PSD3: variants seen among roughly 807,000 people sequenced by gnomAD.
PSD3 encodes the protein PH and SEC7 domain-containing protein 3.
A neutral mutation model predicts 105.5 loss-of-function variants in PSD3; 49 were observed. The ratio of observed to expected loss-of-function variants is 0.46; its 90% CI spans 0.37 to 0.59. The LOEUF is 0.59. PSD3 is among the 20% of genes least tolerant of loss of function. The probability of loss-of-function intolerance (pLI) is 0.00; values close to 1 mark genes in which losing one functional copy is unlikely to be tolerated. For synonymous variants in PSD3, 557 were observed against 457.8 expected (o/e 1.22, Z -2.77); for missense variants, 1,561 against 1,263.8 (o/e 1.24, Z -3.57).
intron 12 of PSD3, among the ~76,000 whole-genome samples, chr8:18,592,685 C>A (rs899576055): frequency 4.6e-5 from 7 of 151,804 alleles, no homozygotes; most frequent in African/African-American, 1.7e-4. Context: ...TCAAGGTGCT[C>A]AAAAAAACAA....
chr8:18,701,038 C>T (rs1801546177), intron 9 of PSD3, among the ~76,000 whole-genome samples: 1 of 152,082 alleles, frequency 6.6e-6, no homozygotes, highest in Non-Finnish European at 1.5e-5. Flanking sequence ...GTGATCATGG[C>T]TCACTGTAGC....
intron 15 of PSD3, among the ~76,000 whole-genome samples, chr8:18,555,472 A>G (rs1801014597): frequency 6.6e-6 from 1 of 152,240 alleles, no homozygotes; most frequent in Admixed American, 6.5e-5. Flanking sequence ...TCGATAATTA[A>G]TTCTTTTTAT....
At chr8:18,578,660 A>C (rs1000788386) in intron 12 of PSD3, among the ~76,000 whole-genome samples, 1 of 152,036 alleles carries the variant, frequency 6.6e-6, no homozygotes, top group Non-Finnish European at 1.5e-5. Context: ...ATATTCTTCG[A>C]GTATATTATC....
At chr8:18,694,703 C>T (rs1801164659) in intron 9 of PSD3, among the ~76,000 whole-genome samples, 1 of 151,566 alleles carries the variant, frequency 6.6e-6, no homozygotes, top group African/African-American at 2.4e-5. Flanking sequence ...AGGCTGGGTG[C>T]AGTGGTTCAC....
chr8:18,924,714 C>T (rs334749), intron 2 of PSD3: 146,767 of 152,286 alleles, frequency 0.96, 70,762 homozygotes, highest in East Asian at 1. Context: ...CCAGGAATTC[C>T]GTGTGTATGG....
rs543380476 is a variant in PSD3, at chr8:18,786,281, G to C, written c.2082+13014C>G. Among the ~76,000 whole-genome samples, 8 of 152,258 alleles carry C rather than the reference G, an allele frequency of 5.3e-5. No individual in the cohort carries two copies. In the South Asian group the frequency reaches 1.5e-3, roughly 28 times the overall value. The stretch of plus-strand genomic sequence containing the variant: ...ATTCTTTTGGGAGATTCATGAACAA[G>C]ATATTTAAAGGCTACAGAGTCAAAA... On this transcript the variant is annotated intron_variant, in intron 8 of 15. Coordinates refer to ENST00000327040, the MANE Select transcript of PSD3 (RefSeq NM_015310.4).
intron 9 of PSD3, among the ~76,000 whole-genome samples, chr8:18,701,541 T>C (rs898377247): frequency 6.6e-6 from 1 of 152,198 alleles, no homozygotes; most frequent in Non-Finnish European, 1.5e-5. Flanking sequence ...AACATTTATA[T>C]TGCAGTCCAG....
chr8:18,707,935 G>A (rs559507952), intron 9 of PSD3, among the ~76,000 whole-genome samples: 26 of 152,346 alleles, frequency 1.7e-4, no homozygotes, highest in East Asian at 5.8e-4. Context: ...GGCTAGAGCT[G>A]AATTGCTCAG....
At chr8:18,805,439 C>T (rs1295492622) in intron 4 of PSD3, among the ~76,000 whole-genome samples, 1 of 152,122 alleles carries the variant, frequency 6.6e-6, no homozygotes, top group Non-Finnish European at 1.5e-5. Context: ...AATGTGCCCT[C>T]ACTCATATTT....
chr8:19,011,528 C>T (rs982053235), intron 1 of PSD3, among the ~76,000 whole-genome samples: 1 of 152,160 alleles, frequency 6.6e-6, no homozygotes, highest in Non-Finnish European at 1.5e-5. Flanking sequence ...TGAGCTACTT[C>T]CATCTTACTT....
intron 10 of PSD3, among the ~76,000 whole-genome samples, chr8:18,651,243 A>G (rs1026063612): frequency 6.6e-6 from 1 of 152,220 alleles, no homozygotes; most frequent in Non-Finnish European, 1.5e-5. Flanking sequence ...CCAAGGTTAC[A>G]CTGAACCCAG....
intron 1 of PSD3, among the ~76,000 whole-genome samples, chr8:18,968,879 CAAAAAAAAA>C (rs10597134): frequency 1.4e-5 from 1 of 71,714 alleles, no homozygotes; most frequent in Admixed American, 2.0e-4. Flanking sequence ...AAAATGTCTC[CAAAAAAAAA>C]AAAAAAAAAA....
chr8:18,871,198 A>T (rs1817323501), intron 3 of PSD3, among the ~76,000 whole-genome samples: 1 of 152,188 alleles, frequency 6.6e-6, no homozygotes, highest in African/African-American at 2.4e-5. Context: ...TTGGTGTTAT[A>T]CCCAGAAGAA....
intron 10 of PSD3, among the ~76,000 whole-genome samples, chr8:18,640,970 G>A (rs948355962): frequency 3.3e-5 from 5 of 152,194 alleles, no homozygotes; most frequent in African/African-American, 1.2e-4. Flanking sequence ...AATATGGTTA[G>A]GCTGGGGAGC....
intron 8 of PSD3, among the ~76,000 whole-genome samples, chr8:18,794,654 T>C (rs1810027355): frequency 6.0e-5 from 1 of 16,614 alleles, no homozygotes; most frequent in South Asian, 1.6e-3. Context: ...AAGACCTTTG[T>C]TCACGTGTTT....
At chr8:18,644,718 T>C (rs959457490) in intron 10 of PSD3, among the ~76,000 whole-genome samples, 2 of 152,146 alleles carry the variant, frequency 1.3e-5, no homozygotes, top group East Asian at 1.9e-4. Context: ...CCAGCTTCTG[T>C]GGATTACCCA....
intron 1 of PSD3, among the ~76,000 whole-genome samples, chr8:19,056,436 G>A (rs1828712357): frequency 6.6e-6 from 1 of 152,200 alleles, no homozygotes; most frequent in African/African-American, 2.4e-5. Context: ...GAAAAAAGAA[G>A]GCTCCTGATG....
At chr8:18,957,527 C>A (rs978687353) in intron 1 of PSD3, among the ~76,000 whole-genome samples, 5 of 3,456 alleles carry the variant, frequency 1.4e-3, no homozygotes, top group African/African-American at 6.2e-3. Context: ...ATCTCTGTTC[C>A]CTCCAGTCAC....
intron 8 of PSD3, among the ~76,000 whole-genome samples, chr8:18,766,743 G>C (rs2129443828): frequency 6.6e-6 from 1 of 152,280 alleles, no homozygotes; most frequent in South Asian, 2.1e-4. Flanking sequence ...CACTAACAGG[G>C]GCAGCCAGAA....
Sources: gnomAD v4.1 joint callset for allele counts (sites outside exome capture counted in the v4.1 genomes callset) on GRCh38, gnomAD v4.1.1 for gene constraint, MANE v1.5 for transcripts, NCBI Gene and HGNC (gene_info 2026-07-23, HGNC 2026-07-21) for gene names.